MYO10: variants seen among roughly 807,000 people sequenced by gnomAD.
MYO10 encodes myosin X.
Under a neutral mutation model 257.3 loss-of-function variants are expected in MYO10, and 133 were observed. The observed-to-expected ratio is 0.52, with a 90% CI of 0.45 to 0.60. The LOEUF (loss-of-function observed/expected upper bound fraction) is 0.60, where lower values mean the gene tolerates loss of function less well. Among genes scored for constraint, MYO10 ranks in the 20% least tolerant of loss-of-function variants. The probability of loss-of-function intolerance (pLI) is 0.00; values close to 1 mark genes in which losing one functional copy is unlikely to be tolerated. For missense variants in MYO10, 2,399 were observed against 2,635.7 expected (o/e 0.91, Z 1.97); for synonymous variants, 1,104 against 1,028.6 (o/e 1.07, Z -1.40).
intron 2 of MYO10, among the ~76,000 whole-genome samples, chr5:16,819,450 C>G (rs946810889): frequency 6.6e-6 from 1 of 152,122 alleles, no homozygotes; most frequent in Admixed American, 6.5e-5. Flanking sequence ...ATAACAAAAT[C>G]ATTTGATTGC....
At chr5:16,820,150 A>G (rs1742754693) in intron 2 of MYO10, among the ~76,000 whole-genome samples, 1 of 152,274 alleles carries the variant, frequency 6.6e-6, no homozygotes, top group East Asian at 1.9e-4. Flanking sequence ...GTGAAGAAAC[A>G]TGTAGACCCT....
chr5:16,789,975 AG>A (rs1172426967), intron 4 of MYO10, among the ~76,000 whole-genome samples: 1 of 152,006 alleles, frequency 6.6e-6, no homozygotes, highest in Non-Finnish European at 1.5e-5. Flanking sequence ...GATGAATTTC[AG>A]TTCCTTTTTC....
chr5:16,708,865 C>A (rs1274515029), intron 21 of MYO10, among the ~76,000 whole-genome samples: 1 of 152,172 alleles, frequency 6.6e-6, no homozygotes, highest in African/African-American at 2.4e-5. Flanking sequence ...GCCTGGCTTG[C>A]AATTTCTTTT....
At chr5:16,921,123 AT>A (rs1487635874) in intron 1 of MYO10, among the ~76,000 whole-genome samples, 1 of 123,274 alleles carries the variant, frequency 8.1e-6, no homozygotes, top group African/African-American at 3.1e-5. Context: ...ATCTCAAAAA[AT>A]AACATAAGAT....
At chr5:16,725,192 TTCTCCTGCCTTAG>T (rs1275643419) in intron 19 of MYO10, among the ~76,000 whole-genome samples, 2 of 148,400 alleles carry the variant, frequency 1.3e-5, no homozygotes, top group Non-Finnish European at 3.0e-5. Flanking sequence ...GTTCAAGCGA[TTCTCCTGCCTTAG>T]TCTCCTGAGT....
intron 2 of MYO10, among the ~76,000 whole-genome samples, chr5:16,818,468 ACT>A (rs1561001001): frequency 7.0e-6 from 1 of 143,282 alleles, no homozygotes; most frequent in African/African-American, 2.6e-5. Flanking sequence ...GCATGATTTC[ACT>A]CTGTTACTCA....
chr5:16,782,370 A>G (rs933119463), intron 5 of MYO10, among the ~76,000 whole-genome samples: 1 of 152,156 alleles, frequency 6.6e-6, no homozygotes, highest in Non-Finnish European at 1.5e-5. Flanking sequence ...CTCTGCCACT[A>G]TAGCCTAAAA....
chr5:16,885,907 C>G (rs767743803), intron 1 of MYO10, among the ~76,000 whole-genome samples: 3 of 152,210 alleles, frequency 2.0e-5, no homozygotes, highest in African/African-American at 7.2e-5. Flanking sequence ...AGTCCCCAAG[C>G]ATCCCTGGAC....
chr5:16,735,778 C>T (rs1010279593), intron 19 of MYO10, among the ~76,000 whole-genome samples: 1 of 152,084 alleles, frequency 6.6e-6, no homozygotes, highest in Admixed American at 6.5e-5. Context: ...TGTCTGTCTC[C>T]GCATTCAACT....
intron 30 of MYO10, among the ~76,000 whole-genome samples, chr5:16,683,100 T>G (rs1377448407): frequency 6.6e-6 from 1 of 152,140 alleles, no homozygotes; most frequent in Admixed American, 6.5e-5. Flanking sequence ...TCAGAAGGGC[T>G]CTTGTCAACG....
At chr5:16,918,296 TCAGCA>T (rs200221627) in intron 1 of MYO10, among the ~76,000 whole-genome samples, 10,483 of 152,180 alleles carry the variant, frequency 0.069, 423 homozygotes, top group African/African-American at 0.11. Context: ...GCTCAGCAGC[TCAGCA>T]GATTACAAGC....
intron 1 of MYO10, among the ~76,000 whole-genome samples, chr5:16,906,138 G>C (rs919593001): frequency 1.3e-5 from 2 of 152,174 alleles, no homozygotes; most frequent in Admixed American, 1.3e-4. Flanking sequence ...TGGCAGGACG[G>C]CTGCTATCCC....
intron 21 of MYO10, among the ~76,000 whole-genome samples, chr5:16,710,220 A>T (rs1054873805): frequency 6.6e-6 from 1 of 152,138 alleles, no homozygotes; most frequent in Non-Finnish European, 1.5e-5. Context: ...TGTCTTTCCC[A>T]TGTGACAAGT....
intron 2 of MYO10, among the ~76,000 whole-genome samples, chr5:16,862,995 C>T (rs1033941815): frequency 1.3e-5 from 2 of 152,038 alleles, no homozygotes; most frequent in South Asian, 2.1e-4. Flanking sequence ...AAGGATAGGC[C>T]GGTCAGAGGC....
At chr5:16,874,966 G>A (rs1172898528) in intron 2 of MYO10, among the ~76,000 whole-genome samples, 2 of 152,132 alleles carry the variant, frequency 1.3e-5, no homozygotes, top group Non-Finnish European at 2.9e-5. Context: ...CTTACGTGGA[G>A]GCGGCAAATG....
At chr5:16,766,316 A>G in intron 10 of MYO10, 118 bp from the exon 11 acceptor site, 1 of 723,100 alleles carries the variant, frequency 1.4e-6, no homozygotes, top group Admixed American at 2.4e-5. Context: ...TAGAGATTGC[A>G]TGTTATTGCT....
chr5:16,794,756 C>A lies in MYO10; in HGVS notation c.357G>T (p.Glu119Asp). ...IAGLYEPATMEQYSRRHLGEL... is the reference protein window; with the variant it reads ...IAGLYEPATMDQYSRRHLGEL... ...CGCCCAGGTGGCGCCGGCTGTACTGCTCCATGGTGGCAGGCTCGTACAGCC... is the reference window on the plus strand; with the variant it reads ...CGCCCAGGTGGCGCCGGCTGTACTGATCCATGGTGGCAGGCTCGTACAGCC... Residue 119 changes from glutamate to aspartate, a missense_variant, in exon 4 of 41, where the codon GAG (glutamate) becomes GAT (aspartate). Glu to Asp is a conservative substitution (Grantham distance 45, BLOSUM62 2). Transcript: ENST00000513610. 6.2e-7 allele frequency: 1 copy of A among 1,611,854 alleles called. No individual in the cohort carries two copies. Among genetic ancestry groups the A allele is most frequent in the Admixed American group, 1.7e-5 (1 of 59,766 alleles).
At chr5:16,902,670 G>A (rs1364623658) in intron 1 of MYO10, 50 of 1,138,042 alleles carry the variant, frequency 4.4e-5, no homozygotes, top group South Asian at 2.9e-4. Context: ...AGAGAGGCCC[G>A]GCTAATTTTT....
chr5:16,672,958 C>CGTGT (rs1653771730), intron 36 of MYO10, 133 bp from the exon 37 acceptor site: 1 of 993,134 alleles, frequency 1.0e-6, no homozygotes, highest in South Asian at 1.7e-5. Context: ...AAATGTTACC[C>CGTGT]GTGTGGTCAT....
Sources: allele counts gnomAD v4.1 joint callset (sites outside exome capture counted in the v4.1 genomes callset), GRCh38; gene constraint gnomAD v4.1.1; transcripts MANE v1.5; gene names NCBI Gene and HGNC (gene_info 2026-07-23, HGNC 2026-07-21).